The following EYS variants were observed in gnomAD, a reference collection of about 807,000 sequenced individuals.
The protein encoded by EYS is EGF-like photoreceptor maintenance factor, also known as protein eyes shut homolog.
EYS carries 250 observed loss-of-function variants against 282.1 expected under a neutral mutation model. The observed-to-expected ratio is 0.89, with a 90% CI of 0.80 to 0.98. The LOEUF (loss-of-function observed/expected upper bound fraction) is 0.98. Ranked by LOEUF, EYS falls within the 50% of genes least tolerant of loss-of-function variation. The pLI, the probability that EYS is intolerant of heterozygous loss-of-function variation, is 0.00. For synonymous variants in EYS, 1,355 were observed against 1,282.9 expected (o/e 1.06, Z -1.20); for missense variants, 4,016 against 3,709.0 (o/e 1.08, Z -2.15).
At chr6:64,942,754 G>A (rs1195779471) in intron 15 of EYS, among the ~76,000 whole-genome samples, 1 of 143,680 alleles carries the variant, frequency 7.0e-6, no homozygotes, top group African/African-American at 2.6e-5. Flanking sequence ...TAAAGCCCCA[G>A]ACCAGATGGA....
chr6:63,729,820 C>T (rs1240363376), intron 41 of EYS, among the ~76,000 whole-genome samples: 4 of 152,088 alleles, frequency 2.6e-5, no homozygotes, highest in Admixed American at 2.6e-4. Context: ...TTCCATAGCC[C>T]ATCTCTCTTC....
intron 2 of EYS, among the ~76,000 whole-genome samples, chr6:65,499,367 G>C (rs1766368695): frequency 6.6e-6 from 1 of 152,090 alleles, no homozygotes. Flanking sequence ...TAGTTGAGTA[G>C]AGATTGGAGA....
intron 15 of EYS, among the ~76,000 whole-genome samples, chr6:64,934,695 A>T (rs1768847052): frequency 6.6e-6 from 1 of 151,906 alleles, no homozygotes; most frequent in East Asian, 1.9e-4. Flanking sequence ...GCAGAAACTA[A>T]GACATTTTCA....
At chr6:64,659,512 G>C (rs1768906922) in intron 22 of EYS, among the ~76,000 whole-genome samples, 1 of 151,752 alleles carries the variant, frequency 6.6e-6, no homozygotes, top group South Asian at 2.1e-4. Context: ...GAAGAAAAGA[G>C]AGAAGAATCA....
At chr6:65,405,508 A>G in intron 5 of EYS, 141 bp from the exon 6 acceptor site, 1 of 692,630 alleles carries the variant, frequency 1.4e-6, no homozygotes, top group Non-Finnish European at 2.4e-6. Flanking sequence ...TTGCAGTGTA[A>G]GTTATATATT....
intron 14 of EYS, among the ~76,000 whole-genome samples, chr6:64,995,643 A>T (rs1317629922): frequency 6.6e-6 from 1 of 152,148 alleles, no homozygotes; most frequent in Non-Finnish European, 1.5e-5. Context: ...TAGTCTCCTT[A>T]TGTTAAAATA....
intron 29 of EYS, among the ~76,000 whole-genome samples, chr6:64,370,754 T>G (rs1772339405): frequency 6.6e-6 from 1 of 152,124 alleles, no homozygotes; most frequent in Admixed American, 6.6e-5. Context: ...CTTGTGTGGT[T>G]GTATGTTTCC....
intron 35 of EYS, among the ~76,000 whole-genome samples, chr6:63,866,605 T>C (rs7768206): frequency 0.37 from 56,132 of 152,074 alleles, 10,830 homozygotes; most frequent in South Asian, 0.47. Flanking sequence ...TTCCTCTTTC[T>C]GCTTTCATCA....
At chr6:65,686,776 A>T (rs1044540808) in intron 1 of EYS, among the ~76,000 whole-genome samples, 4 of 152,098 alleles carry the variant, frequency 2.6e-5, no homozygotes, top group African/African-American at 9.7e-5. Context: ...CATAAACAGG[A>T]CCAATGCAAA....
At position 64,614,762 on chromosome 6, in the gene EYS, C is replaced by T. The variant is rs73437307; in HGVS notation, c.3684+2656G>A. Among the ~76,000 whole-genome samples the T allele has an allele frequency of 3.9e-3, 589 of 152,122 alleles. 4 individuals carry two copies. The highest frequency in any genetic ancestry group is 0.013 in the African/African-American group (536 of 41,514). On this transcript the variant is annotated intron_variant, in intron 24 of 42. Coordinates refer to ENST00000503581, the MANE Select transcript of EYS (RefSeq NM_001142800.2). ...ACCCCACACCCATTTTATATTACAG[C>T]GTTGAATAGATCATGTAACTTATTG...
At chr6:64,998,538 T>C (rs1000141391) in intron 13 of EYS, among the ~76,000 whole-genome samples, 2 of 152,208 alleles carry the variant, frequency 1.3e-5, no homozygotes, top group Non-Finnish European at 2.9e-5. Context: ...TTGTACAACA[T>C]GTGTAACTAG....
intron 32 of EYS, among the ~76,000 whole-genome samples, chr6:64,070,143 G>T (rs1226566909): frequency 4.6e-5 from 7 of 152,056 alleles, no homozygotes; most frequent in Admixed American, 4.6e-4. Context: ...ACAAATGGCA[G>T]TTCGTTAAAG....
intron 35 of EYS, among the ~76,000 whole-genome samples, chr6:63,891,444 A>G (rs751528825): frequency 6.6e-6 from 1 of 152,232 alleles, no homozygotes; most frequent in Non-Finnish European, 1.5e-5. Context: ...ACGCAAATCA[A>G]TAAACATAAT....
chr6:63,914,891 A>C (rs1457093359), intron 35 of EYS, among the ~76,000 whole-genome samples: 1 of 152,182 alleles, frequency 6.6e-6, no homozygotes, highest in African/African-American at 2.4e-5. Context: ...GCTACAGAAG[A>C]AAAGTTTGAA....
chr6:64,333,619 A>G (rs1770723755), intron 29 of EYS, among the ~76,000 whole-genome samples: 1 of 152,166 alleles, frequency 6.6e-6, no homozygotes, highest in Admixed American at 6.5e-5. Context: ...CTGGACTAAA[A>G]TGGATAAGGG....
intron 22 of EYS, among the ~76,000 whole-genome samples, chr6:64,779,989 A>G (rs1250083319): frequency 6.6e-6 from 1 of 152,188 alleles, no homozygotes; most frequent in East Asian, 1.9e-4. Context: ...CTTAACTACA[A>G]AGAGATATGA....
At chr6:64,790,387 T>C (rs879621996) in intron 22 of EYS, among the ~76,000 whole-genome samples, 59 of 151,894 alleles carry the variant, frequency 3.9e-4, no homozygotes, top group Non-Finnish European at 3.2e-4. Flanking sequence ...AGCATTTAAA[T>C]GATGACCAAA....
At chr6:65,145,797 A>G (rs1474874804) in intron 12 of EYS, among the ~76,000 whole-genome samples, 2 of 151,984 alleles carry the variant, frequency 1.3e-5, no homozygotes, top group African/African-American at 4.8e-5. Context: ...GCAGGAAAAA[A>G]GACCTCTGAT....
chr6:64,763,922 T>C (rs1773241854), intron 22 of EYS, among the ~76,000 whole-genome samples: 4 of 152,198 alleles, frequency 2.6e-5, no homozygotes, highest in Admixed American at 2.6e-4. Flanking sequence ...TCTGACTCTA[T>C]GTCTCACATC....
Sources: allele counts gnomAD v4.1 joint callset (sites outside exome capture counted in the v4.1 genomes callset), GRCh38; gene constraint gnomAD v4.1.1; transcripts MANE v1.5; gene names NCBI Gene and HGNC (gene_info 2026-07-23, HGNC 2026-07-21).